KCNIP4: variants seen among roughly 807,000 people sequenced by gnomAD.
KCNIP4 encodes Kv channel-interacting protein 4.
A neutral mutation model predicts 34.0 loss-of-function variants in KCNIP4; 12 were observed. The ratio of observed to expected loss-of-function variants is 0.35; its 90% CI spans 0.23 to 0.57. The LOEUF is 0.57. Ranked by LOEUF, KCNIP4 falls within the 20% of genes least tolerant of loss-of-function variation. The pLI is 0.83. For missense variants in KCNIP4, 238 were observed against 311.7 expected (o/e 0.76, Z 1.78); for synonymous variants, 124 against 102.2 (o/e 1.21, Z -1.29).
At chr4:20,846,149 T>C (rs1720342921) in intron 3 of KCNIP4, among the ~76,000 whole-genome samples, 1 of 152,202 alleles carries the variant, frequency 6.6e-6, no homozygotes, top group Admixed American at 6.5e-5. Context: ...TAATGATATA[T>C]TTGATTTTAA....
chr4:21,417,313 G>A (rs1001796242), intron 1 of KCNIP4, among the ~76,000 whole-genome samples: 1 of 151,990 alleles, frequency 6.6e-6, no homozygotes, highest in African/African-American at 2.4e-5. Flanking sequence ...CTGTGAGTTA[G>A]TGTGTCTGTG....
At chr4:21,502,045 C>T (rs115599133) in intron 1 of KCNIP4, among the ~76,000 whole-genome samples, 2,939 of 151,494 alleles carry the variant, frequency 0.019, 92 homozygotes, top group East Asian at 0.12. Context: ...CCAATGCAGG[C>T]AGCTTGCTAA....
chr4:21,690,335 T>G (rs1751173726), intron 1 of KCNIP4, among the ~76,000 whole-genome samples: 1 of 151,948 alleles, frequency 6.6e-6, no homozygotes, highest in Admixed American at 6.6e-5. Flanking sequence ...TGATATGGTT[T>G]GGATGTTTTG....
intron 1 of KCNIP4, among the ~76,000 whole-genome samples, chr4:21,036,363 G>C (rs1741442619): frequency 6.6e-6 from 1 of 152,180 alleles, no homozygotes. Context: ...GCACAGGCAA[G>C]GGATATGGAA....
At chr4:21,901,478 T>C (rs1194814937) in intron 1 of KCNIP4, among the ~76,000 whole-genome samples, 1 of 152,190 alleles carries the variant, frequency 6.6e-6, no homozygotes. Context: ...ATATCTATTG[T>C]GTGCTCTTCA....
chr4:20,990,059 G>A (rs1736952747), intron 1 of KCNIP4, among the ~76,000 whole-genome samples: 1 of 152,194 alleles, frequency 6.6e-6, no homozygotes, highest in African/African-American at 2.4e-5. Flanking sequence ...GATAGTTGGT[G>A]AAAGATGCCA....
At chr4:21,472,441 G>A (rs1401572665) in intron 1 of KCNIP4, among the ~76,000 whole-genome samples, 1 of 152,176 alleles carries the variant, frequency 6.6e-6, no homozygotes, top group Non-Finnish European at 1.5e-5. Context: ...TGAAATGTGT[G>A]TGTGGGGGGG....
At chr4:21,658,501 C>T (rs1287473764) in intron 1 of KCNIP4, among the ~76,000 whole-genome samples, 2 of 152,096 alleles carry the variant, frequency 1.3e-5, no homozygotes, top group East Asian at 1.9e-4. Context: ...CTGCAACCTC[C>T]ACCTCCTGGG....
In KCNIP4 at chr4:21,106,350, A is replaced by G. The variant is rs563553085; in HGVS notation, c.62-223641T>C. ...GGAGGGTGTATGTGTCGAGGAATTT[A>G]TCCATTTCTTCTAGATTTTCTAGTT... On this transcript the variant is annotated intron_variant, in intron 1 of 8. Coordinates refer to ENST00000382152, the MANE Select transcript of KCNIP4 (RefSeq NM_025221.6). Among the ~76,000 whole-genome samples, 10 of 151,814 alleles carry G rather than the reference A, an allele frequency of 6.6e-5. No individual in the cohort carries two copies. The East Asian group carries it at 1.9e-3, about 29-fold the overall frequency.
At chr4:21,049,961 C>T (rs1742781651) in intron 1 of KCNIP4, among the ~76,000 whole-genome samples, 1 of 152,196 alleles carries the variant, frequency 6.6e-6, no homozygotes. Flanking sequence ...CATCTTGCAG[C>T]TTATATAACC....
At chr4:21,240,580 G>A (rs1204514825) in intron 1 of KCNIP4, among the ~76,000 whole-genome samples, 2 of 152,054 alleles carry the variant, frequency 1.3e-5, no homozygotes, top group Admixed American at 1.3e-4. Flanking sequence ...GTCTGTTGAT[G>A]TTGCTTTCTC....
At chr4:21,241,232 T>C (rs893895898) in intron 1 of KCNIP4, among the ~76,000 whole-genome samples, 1 of 152,238 alleles carries the variant, frequency 6.6e-6, no homozygotes. Flanking sequence ...TGAGCAGATA[T>C]ATAATCAAAA....
intron 3 of KCNIP4, among the ~76,000 whole-genome samples, chr4:20,815,098 A>G (rs929146042): frequency 6.6e-6 from 1 of 152,178 alleles, no homozygotes; most frequent in Non-Finnish European, 1.5e-5. Flanking sequence ...TGGCTGATCA[A>G]CTTAATCATT....
intron 1 of KCNIP4, among the ~76,000 whole-genome samples, chr4:21,007,018 G>A (rs1488481330): frequency 6.6e-6 from 1 of 152,158 alleles, no homozygotes; most frequent in Non-Finnish European, 1.5e-5. Context: ...GTCTCTTGCT[G>A]AATAATGTAG....
At chr4:21,004,501 G>A (rs1195424327) in intron 1 of KCNIP4, among the ~76,000 whole-genome samples, 1 of 152,148 alleles carries the variant, frequency 6.6e-6, no homozygotes, top group African/African-American at 2.4e-5. Context: ...CAGAGGTGAT[G>A]GTCCATACCA....
At chr4:21,565,123 A>G (rs1157217610) in intron 1 of KCNIP4, among the ~76,000 whole-genome samples, 2 of 152,172 alleles carry the variant, frequency 1.3e-5, no homozygotes, top group Non-Finnish European at 2.9e-5. Flanking sequence ...TTGGGCTACC[A>G]TAACAAAATA....
At chr4:21,504,597 C>A (rs1733677354) in intron 1 of KCNIP4, among the ~76,000 whole-genome samples, 2 of 151,992 alleles carry the variant, frequency 1.3e-5, no homozygotes, top group African/African-American at 4.8e-5. Flanking sequence ...CTCTGTGTGG[C>A]TGATCTAAGT....
At chr4:20,843,701 G>A (rs1022551301) in intron 3 of KCNIP4, among the ~76,000 whole-genome samples, 7 of 152,178 alleles carry the variant, frequency 4.6e-5, no homozygotes, top group African/African-American at 1.7e-4. Context: ...CTGCATTCCA[G>A]CCTGGGTGAC....
chr4:21,665,395 A>G (rs1748771279), intron 1 of KCNIP4, among the ~76,000 whole-genome samples: 1 of 152,168 alleles, frequency 6.6e-6, no homozygotes, highest in African/African-American at 2.4e-5. Flanking sequence ...TAGGAATGGA[A>G]TATTGTAGTA....
Sources: allele counts gnomAD v4.1 joint callset (sites outside exome capture counted in the v4.1 genomes callset), GRCh38; gene constraint gnomAD v4.1.1; transcripts MANE v1.5; gene names NCBI Gene and HGNC (gene_info 2026-07-23, HGNC 2026-07-21).